Variants in STON1 observed in about 807,000 individuals in gnomAD.
STON1 encodes stonin-1.
Under a neutral mutation model 60.9 loss-of-function variants are expected in STON1, and 79 were observed. The observed-to-expected ratio is 1.30, with a 90% confidence interval of 1.08 to 1.56. The LOEUF (loss-of-function observed/expected upper bound fraction) is 1.56, where lower values mean the gene tolerates loss of function less well. Among genes scored for constraint, STON1 ranks in the 40% most tolerant of loss-of-function variants. The pLI is 0.00. For synonymous variants in STON1, 363 were observed against 306.9 expected, an observed-to-expected ratio of 1.18 and a Z score of -1.91; for missense variants, 1,166 against 858.9, an observed-to-expected ratio of 1.36 and a Z score of -4.47.
intron 1 of STON1, among the ~76,000 whole-genome samples, chr2:48,545,154 T>C (rs1480567545): frequency 6.6e-6 from 1 of 152,212 alleles, no homozygotes; most frequent in East Asian, 1.9e-4. Flanking sequence ...CAGGCTTTCC[T>C]GGGAATTGTC....
chr2:48,552,171 A>G (rs1259790846), intron 1 of STON1, among the ~76,000 whole-genome samples: 1 of 152,398 alleles, frequency 6.6e-6, no homozygotes, highest in Non-Finnish European at 1.5e-5. Context: ...AGCCTTAAAA[A>G]GGAATGAAAT....
At chr2:48,546,497 C>T (rs1179413920) in intron 1 of STON1, among the ~76,000 whole-genome samples, 1 of 152,238 alleles carries the variant, frequency 6.6e-6, no homozygotes, top group Non-Finnish European at 1.5e-5. Context: ...GTCCCCCCAT[C>T]ACAGTTATGG....
In STON1 at chr2:48,583,897, G is replaced by A. The variant is rs550596103; in HGVS notation, c.1930+1334G>A. Among the ~76,000 whole-genome samples the A allele has an allele frequency of 7.2e-4, 109 of 151,936 alleles. 1 individual carries two copies. The highest frequency in any genetic ancestry group is 3.7e-3 in the South Asian group (18 of 4,808). On this transcript the variant is annotated intron_variant, in intron 2 of 3. Coordinates refer to ENST00000404752, the MANE Select transcript of STON1 (RefSeq NM_006873.4). ...CTCCGGAGTAGCTGGAACTACAGGC[G>A]CCCACCACCATGCCTGGCTAATTTT...
intron 3 of STON1, among the ~76,000 whole-genome samples, chr2:48,594,629 C>G (rs571780547): frequency 1.3e-5 from 2 of 151,984 alleles, no homozygotes; most frequent in Admixed American, 6.6e-5. Flanking sequence ...AATAGGGTAA[C>G]GGGATAGAGA....
intron 1 of STON1, among the ~76,000 whole-genome samples, chr2:48,564,425 CT>C (rs1558604028): frequency 1.2e-4 from 5 of 42,916 alleles, no homozygotes; most frequent in African/African-American, 1.7e-4. Context: ...TCTTCTTCTT[CT>C]TCTTCTTCTT....
intron 1 of STON1, among the ~76,000 whole-genome samples, chr2:48,550,555 A>ATG (rs1265600033): frequency 6.7e-6 from 1 of 148,464 alleles, no homozygotes; most frequent in African/African-American, 2.5e-5. Context: ...GAGGATATAT[A>ATG]TGTGTGTGTA....
chr2:48,587,482 G>C (rs944995146), intron 2 of STON1, among the ~76,000 whole-genome samples: 1 of 152,086 alleles, frequency 6.6e-6, no homozygotes, highest in Admixed American at 6.5e-5. Flanking sequence ...TAGTAGAGAT[G>C]GGGTTTCGCC....
chr2:48,574,153 A>G (rs1273296940), intron 1 of STON1, among the ~76,000 whole-genome samples: 1 of 152,132 alleles, frequency 6.6e-6, no homozygotes, highest in East Asian at 1.9e-4. Flanking sequence ...AGGCAGGTGG[A>G]TCACTTGAGA....
intron 2 of STON1, among the ~76,000 whole-genome samples, chr2:48,590,311 T>A (rs1674439023): frequency 2.0e-5 from 3 of 152,208 alleles, no homozygotes; most frequent in Admixed American, 2.0e-4. Context: ...CAAGGCTTTT[T>A]ACAGCCTTAG....
intron 1 of STON1, among the ~76,000 whole-genome samples, chr2:48,536,524 G>A (rs1671435588): frequency 6.7e-6 from 1 of 148,956 alleles, no homozygotes; most frequent in South Asian, 2.1e-4. Context: ...CTCCAGCCTG[G>A]GTGACAGAGT....
chr2:48,577,367 G>A (rs1165495057), intron 1 of STON1, among the ~76,000 whole-genome samples: 2 of 151,956 alleles, frequency 1.3e-5, no homozygotes, highest in East Asian at 2.0e-4. Context: ...CAGATCACGA[G>A]GTCGGGAGTT....
At chr2:48,551,801 C>A (rs926893920) in intron 1 of STON1, among the ~76,000 whole-genome samples, 1 of 152,222 alleles carries the variant, frequency 6.6e-6, no homozygotes, top group African/African-American at 2.4e-5. Flanking sequence ...TATGCCAGGG[C>A]AGAGAACCCA....
rs567691131 is a variant in STON1, at chr2:48,573,993, GT to G, written c.-47-6591del. Among the ~76,000 whole-genome samples, 453 of 152,324 alleles carry G rather than the reference GT, an allele frequency of 3.0e-3. 1 individual carries two copies. The highest frequency in any genetic ancestry group is 4.8e-3 in the Non-Finnish European group (324 of 68,018). On this transcript the variant is annotated intron_variant, in intron 1 of 3. Transcript: ENST00000404752. ...GGCATATTCACAGGCACAGAAAGTA[GT>G]TTAGTGGTTTCCAGGGCCTGTGGGG...
rs537416469 is a variant in STON1, at chr2:48,553,214, G to T, written c.-48+22998G>T. Among the ~76,000 whole-genome samples, 4 of 152,238 alleles carry T rather than the reference G, an allele frequency of 2.6e-5. No homozygotes were observed. The South Asian group carries it at 8.3e-4, about 32-fold the overall frequency. On this transcript the variant is annotated intron_variant, in intron 1 of 3. Transcript: ENST00000404752. ...GGGAAACAGAGTCTTCCTCTTGATGGAAGAGGGGCAAGATGACATTTCAGA... is the reference window on the plus strand; with the variant it reads ...GGGAAACAGAGTCTTCCTCTTGATGTAAGAGGGGCAAGATGACATTTCAGA...
chr2:48,547,915 C>G (rs144753650), intron 1 of STON1, among the ~76,000 whole-genome samples: 2 of 152,310 alleles, frequency 1.3e-5, no homozygotes, highest in African/African-American at 4.8e-5. Flanking sequence ...TTAGGGATTT[C>G]TGAATTGTGA....
intron 1 of STON1, among the ~76,000 whole-genome samples, chr2:48,532,379 TA>T (rs1333915027): frequency 0.018 from 2,565 of 143,186 alleles, 34 homozygotes; most frequent in Non-Finnish European, 0.027. Flanking sequence ...AATAAATAAA[TA>T]AATAAATAAT....
rs912713290 is a variant in STON1, at chr2:48,565,342, G to A, written c.-47-15245G>A. 3.9e-5 allele frequency among the ~76,000 whole-genome samples: 6 copies of A among 152,178 alleles called. No individual in the cohort carries two copies. The East Asian group carries it at 7.7e-4, about 20-fold the overall frequency. On this transcript the variant is annotated intron_variant, in intron 1 of 3. Coordinates refer to ENST00000404752, the MANE Select transcript of STON1 (RefSeq NM_006873.4). ...GCCAGGATTACAGGCGTGAGCCACC[G>A]CGCCCAGCCTCCGACTTCTTATACA...
intron 1 of STON1, among the ~76,000 whole-genome samples, chr2:48,544,303 C>G (rs1396531442): frequency 6.6e-6 from 1 of 152,092 alleles, no homozygotes; most frequent in Admixed American, 6.6e-5. Context: ...ATGTAAATAT[C>G]TGTGGCTCAG....
chr2:48,541,522 A>G (rs1671650622), intron 1 of STON1, among the ~76,000 whole-genome samples: 1 of 109,312 alleles, frequency 9.1e-6, no homozygotes, highest in Non-Finnish European at 1.8e-5. Context: ...CATCTCTACT[A>G]AAAAAAAAAA....
Sources: gnomAD v4.1 joint callset for allele counts (sites outside exome capture counted in the v4.1 genomes callset) on GRCh38, gnomAD v4.1.1 for gene constraint, MANE v1.5 for transcripts, NCBI Gene and HGNC (gene_info 2026-07-23, HGNC 2026-07-21) for gene names.